MTERF4: variants seen among roughly 807,000 people sequenced by gnomAD.
MTERF4 encodes mitochondrial transcription termination factor 4.
In MTERF4, 17 loss-of-function variants were observed where a neutral mutation model predicts 22.5. That is an observed-to-expected ratio of 0.75 (90% CI 0.52 to 1.13). The LOEUF (loss-of-function observed/expected upper bound fraction) is 1.13, where lower values mean the gene tolerates loss of function less well. MTERF4 is among the 50% of genes most tolerant of loss of function. The pLI is 0.00. For synonymous variants in MTERF4, 165 were observed against 175.3 expected, an observed-to-expected ratio of 0.94 and a Z score of 0.47; for missense variants, 420 against 466.8, an observed-to-expected ratio of 0.90 and a Z score of 0.92.
intron 4 of MTERF4, among the ~76,000 whole-genome samples, chr2:241,078,013 G>C (rs2063110880): frequency 6.6e-6 from 1 of 152,072 alleles, no homozygotes; most frequent in Admixed American, 6.6e-5. Flanking sequence ...GTCCACATGA[G>C]GTCCTGTACA....
chr2:241,096,097 C>CTCCTCATCATCGTCATCCTCA lies in MTERF4; in HGVS notation c.1026_1046dup (p.Asp342_Glu348dup). On this transcript the variant is annotated inframe_insertion, in exon 4 of 4. Transcript: ENST00000391980. The surrounding 1 kb of genome is among the most constrained non-coding windows in gnomAD (Gnocchi z 5.1). ...CATCATTGTCATCCTCATCATTGTCCTCCTCATCATCGTCATCCTCATCCT... is the reference window on the plus strand; with the variant it reads ...CATCATTGTCATCCTCATCATTGTCCTCCTCATCATCGTCATCCTCATCCTCATCATCGTCATCCTCATCCT... 1 of 1,611,588 alleles carries CTCCTCATCATCGTCATCCTCA rather than the reference C, an allele frequency of 6.2e-7. No homozygotes were observed. Among genetic ancestry groups the CTCCTCATCATCGTCATCCTCA allele is most frequent in the African/African-American group, 1.3e-5 (1 of 74,228 alleles).
the MTERF4 span, among the ~76,000 whole-genome samples, chr2:241,060,776 C>A: frequency 1.3e-5 from 2 of 151,948 alleles, no homozygotes; most frequent in Non-Finnish European, 2.9e-5. Flanking sequence ...CAAAAATAAA[C>A]TAAAATTAAC....
In MTERF4 at chr2:241,073,120, A is replaced by G; in HGVS notation, n.3042T>C. The G allele has an allele frequency of 1.6e-6, 1 of 615,842 alleles. No homozygotes were observed. The highest frequency in any genetic ancestry group is 2.8e-6 in the Non-Finnish European group (1 of 350,902). The allele number at this position is 615,842 out of a possible 1,614,324, so 38.1% of individuals were successfully genotyped here. On this transcript the variant is annotated non_coding_transcript_exon_variant, in exon 5 of 5. Transcript: ENST00000464344. The surrounding 1 kb of genome is among the most constrained non-coding windows in gnomAD (Gnocchi z 6.6). ...TTCAGGGGAGGCAGCTCTGGGGCCG[A>G]CAGGTGCTGGGGCCACGCAGGGAGC...
At chr2:241,081,134 G>A (rs1237251440) in intron 4 of MTERF4, among the ~76,000 whole-genome samples, 3 of 152,228 alleles carry the variant, frequency 2.0e-5, no homozygotes, top group South Asian at 2.1e-4. Context: ...GGGTGCACAC[G>A]CATCCCTGGG....
chr2:241,052,584 A>G, the MTERF4 span: 6,181 of 725,978 alleles, frequency 8.5e-3, 208 homozygotes, highest in Admixed American at 0.012. Context: ...TGAGAGGGCC[A>G]GGGGGCCAAG....
chr2:241,078,382 CAAA>C lies in MTERF4; in HGVS notation n.480-2703_480-2701del, dbSNP rs60965517. On this transcript the variant is annotated intron_variant and non_coding_transcript_variant, in intron 4 of 4. Coordinates refer to the MTERF4 transcript ENST00000464344. ...TGGGAGACAGAACTAGACTCCGTCT[CAAA>C]AAAAAAAAAAAAAGAAAGAAAGAAA... Among the ~76,000 whole-genome samples, 92 of 116,158 alleles carry C rather than the reference CAAA, an allele frequency of 7.9e-4. 1 individual carries two copies. Among genetic ancestry groups the C allele is most frequent in the African/African-American group, 2.5e-3 (74 of 29,406 alleles). 76.2% of individuals were successfully genotyped at this position (116,158 alleles called of 152,430 possible).
downstream of MTERF4, chr2:241,071,502 A>G: frequency 6.7e-7 from 1 of 1,493,152 alleles, no homozygotes; most frequent in Non-Finnish European, 9.0e-7. Flanking sequence ...GAGGGGCACC[A>G]CCCATGCCAC....
chr2:241,050,335 C>T, the MTERF4 span, among the ~76,000 whole-genome samples: 1 of 152,166 alleles, frequency 6.6e-6, no homozygotes, highest in African/African-American at 2.4e-5. Flanking sequence ...TCTGTAAGCA[C>T]ACTGCAGGCG....
chr2:241,081,058 C>G (rs545642608), intron 4 of MTERF4, among the ~76,000 whole-genome samples: 4 of 152,214 alleles, frequency 2.6e-5, no homozygotes, highest in Non-Finnish European at 5.9e-5. Flanking sequence ...AGCACTGGAC[C>G]AGTGACCAGT....
rs1323645872 is a variant in MTERF4 at position 241,097,285 on chromosome 2, A to G, written c.663T>C (p.Ser221=). 1 of 1,614,206 alleles carries G rather than the reference A, an allele frequency of 6.2e-7. No homozygotes were observed. The highest frequency in any genetic ancestry group is 2.2e-5 in the East Asian group (1 of 44,890). Reference sequence around the variant, plus strand: ...GTTGACCCAGGTCCTCTCGAAGAACAGAGGGGCAACTGTGCAAAATCTTGG... The same window carrying G: ...GTTGACCCAGGTCCTCTCGAAGAACGGAGGGGCAACTGTGCAAAATCTTGG... The part of the protein sequence containing the change: ...QVTKILHSCP[S]VLREDLGQLE... The change falls in exon 3 of 4, where the codon TCT becomes TCC. Residue 221 remains serine, a synonymous_variant. Transcript: ENST00000391980.
chr2:241,102,216 C>A (rs941663648), intron 1 of MTERF4, 37 bp downstream of exon 1: 3 of 1,547,784 alleles, frequency 1.9e-6, no homozygotes, highest in African/African-American at 2.7e-5. Flanking sequence ...CGCCCGCCTG[C>A]GACCCGGAGA....
the MTERF4 span, among the ~76,000 whole-genome samples, chr2:241,047,566 C>T: frequency 6.6e-6 from 1 of 152,074 alleles, no homozygotes; most frequent in African/African-American, 2.4e-5. Context: ...ATAAGTAAGG[C>T]CCAATACATT....
downstream of MTERF4, chr2:241,067,939 C>T: frequency 6.2e-7 from 1 of 1,609,176 alleles, no homozygotes; most frequent in Non-Finnish European, 8.5e-7. Context: ...TGGACAGGTT[C>T]ACCTTTAGGT....
At chr2:241,052,138 C>T in the MTERF4 span, 72 of 1,613,640 alleles carry the variant, frequency 4.5e-5, no homozygotes, top group Non-Finnish European at 5.4e-5. Flanking sequence ...CAGGCTTCTC[C>T]GGGCGGCACT....
At chr2:241,097,547 G>A (rs1334645604) in intron 2 of MTERF4, 120 bp from the exon 3 acceptor site, 2 of 913,268 alleles carry the variant, frequency 2.2e-6, no homozygotes, top group African/African-American at 1.7e-5. Flanking sequence ...TCCTTCCACA[G>A]AGCAAGTGGC....
downstream of MTERF4, among the ~76,000 whole-genome samples, chr2:241,085,890 A>AGTG (rs1194153252): frequency 5.0e-5 from 6 of 119,358 alleles, no homozygotes; most frequent in Non-Finnish European, 9.7e-5. Flanking sequence ...TTTTTGAGAC[A>AGTG]GTGTCTTGCT....
the MTERF4 span, among the ~76,000 whole-genome samples, chr2:241,065,824 C>T: frequency 6.6e-6 from 1 of 152,256 alleles, no homozygotes; most frequent in African/African-American, 2.4e-5. Flanking sequence ...CGCATAGAAT[C>T]GAGCCAAGAG....
At chr2:241,087,706 G>T (rs1214909681), downstream of MTERF4, 17 of 1,361,308 alleles carry the variant, frequency 1.2e-5, no homozygotes, top group Middle Eastern at 2.7e-4. Context: ...GCTGGGGGGG[G>T]TCACTCTGGT....
Position 241,075,606 on chromosome 2 carries a change from T to C in MTERF4, n.556A>G, listed in dbSNP as rs1470819887. 1.3e-5 allele frequency: 2 copies of C among 152,202 alleles called. No homozygotes were observed. Among genetic ancestry groups the C allele is most frequent in the Non-Finnish European group, 2.9e-5 (2 of 68,038 alleles). The allele number at this position is 152,202 out of a possible 1,614,324, so 9.4% of individuals were successfully genotyped here. ...AAATTCTTATATGTTTTGATACTGA[T>C]CCTTTGTCAGGTCTGTGTTCTGCAG... On this transcript the variant is annotated non_coding_transcript_exon_variant, in exon 5 of 5. Coordinates refer to the MTERF4 transcript ENST00000464344. This position sits in a 1 kb window ranked among gnomAD's most constrained non-coding sequence, Gnocchi z 4.8.
Sources: allele counts gnomAD v4.1 joint callset (sites outside exome capture counted in the v4.1 genomes callset), GRCh38; gene constraint gnomAD v4.1.1; non-coding constraint Gnocchi (gnomAD v3.1); transcripts MANE v1.5; gene names NCBI Gene and HGNC (gene_info 2026-07-23, HGNC 2026-07-21).